Variants in GRAMD4 observed in about 807,000 individuals in gnomAD.
The protein encoded by GRAMD4 is GRAM domain-containing protein 4.
Under a neutral mutation model 83.9 loss-of-function variants are expected in GRAMD4, and 25 were observed. The ratio of observed to expected loss-of-function variants is 0.30; its 90% CI spans 0.22 to 0.42. The LOEUF is 0.42. Ranked by LOEUF, GRAMD4 falls within the 10% of genes least tolerant of loss-of-function variation. The pLI, the probability that GRAMD4 is intolerant of heterozygous loss-of-function variation, is 1.00. For missense variants in GRAMD4, 593 were observed against 788.7 expected (o/e 0.75, Z 2.97); for synonymous variants, 336 against 320.9 (o/e 1.05, Z -0.50).
intron 3 of GRAMD4, among the ~76,000 whole-genome samples, chr22:46,650,900 C>T (rs564756304): frequency 4.4e-4 from 67 of 152,330 alleles, no homozygotes; most frequent in Middle Eastern, 3.4e-3. Flanking sequence ...GACTGCAAGA[C>T]GCCTGTGGGT....
chr22:46,633,410 T>C (rs2081807009), intron 2 of GRAMD4, among the ~76,000 whole-genome samples: 4 of 152,226 alleles, frequency 2.6e-5, no homozygotes, highest in Admixed American at 1.3e-4. Flanking sequence ...GGGACTTGGA[T>C]GAGGTGGCAT....
intron 18 of GRAMD4, 33 bp downstream of exon 18, chr22:46,676,701 G>C: frequency 6.5e-7 from 1 of 1,538,478 alleles, no homozygotes; most frequent in Non-Finnish European, 8.8e-7. Flanking sequence ...CCAAGGGGTT[G>C]GTGTGGGCCC....
At chr22:46,633,210 C>T (rs1472819405) in intron 2 of GRAMD4, among the ~76,000 whole-genome samples, 1 of 152,154 alleles carries the variant, frequency 6.6e-6, no homozygotes, top group African/African-American at 2.4e-5. Flanking sequence ...CCCCCAGCTG[C>T]CCTGGTTCCA....
At chr22:46,660,828 C>T (rs1024332629) in intron 4 of GRAMD4, among the ~76,000 whole-genome samples, 7 of 152,220 alleles carry the variant, frequency 4.6e-5, no homozygotes, top group African/African-American at 1.4e-4. Flanking sequence ...GGCGACCACA[C>T]AGCACTTGGC....
chr22:46,616,887 TGCGTGTAGTTTCCCCC>T (rs1569263308), upstream of GRAMD4, among the ~76,000 whole-genome samples: 5 of 24,524 alleles, frequency 2.0e-4, 1 homozygote, highest in Non-Finnish European at 2.6e-4. Context: ...GGTTCCCCTG[TGCGTGTAGTTTCCCCC>T]GTGTGTAGGT....
chr22:46,629,760 A>G lies in GRAMD4; in HGVS notation c.162+2799A>G, dbSNP rs544155484. On this transcript the variant is annotated intron_variant, in intron 2 of 18. Coordinates refer to ENST00000406902, the MANE Select transcript of GRAMD4 (RefSeq NM_015124.5). ...CTGTGCTACCATTACTACAGTTTTAAAAGGTTTTTATCACCTGAAAGAGAC... is the reference window on the plus strand; with the variant it reads ...CTGTGCTACCATTACTACAGTTTTAGAAGGTTTTTATCACCTGAAAGAGAC... Among the ~76,000 whole-genome samples the G allele has an allele frequency of 1.6e-3, 237 of 152,332 alleles. 3 individuals carry two copies. Among genetic ancestry groups the G allele is most frequent in the South Asian group, 0.013 (62 of 4,832 alleles).
In GRAMD4 at chr22:46,602,762, CT is replaced by C. The variant is rs534249203; in HGVS notation, c.-49-23973del. Among the ~76,000 whole-genome samples the C allele has an allele frequency of 1.8e-3, 222 of 121,442 alleles. 1 individual carries two copies. The highest frequency in any genetic ancestry group is 5.5e-3 in the African/African-American group (179 of 32,660). The allele number at this position is 121,442 out of a possible 152,430, so 79.7% of individuals were successfully genotyped here. On this transcript the variant is annotated intron_variant, in intron 1 of 1. Transcript: ENST00000431155. ...TCCTTTATCTTTTGTCCATTTTTCT[CT>C]TTTTTTTTTTTTTTTGAGGCAGAGT...
chr22:46,612,471 G>C (rs2081427481), intron 1 of GRAMD4, among the ~76,000 whole-genome samples: 1 of 152,178 alleles, frequency 6.6e-6, no homozygotes, highest in Non-Finnish European at 1.5e-5. Context: ...GGGAGGCCTG[G>C]GGGAAGTGAG....
chr22:46,605,895 G>T (rs1601547130), intron 1 of GRAMD4, among the ~76,000 whole-genome samples: 2 of 151,962 alleles, frequency 1.3e-5, no homozygotes, highest in African/African-American at 4.8e-5. Context: ...CTTATGGCCG[G>T]TGCTGAGCAT....
chr22:46,622,904 T>TC lies in GRAMD4; in HGVS notation c.-50+2341dup, dbSNP rs1050854113. On this transcript the variant is annotated intron_variant, in intron 1 of 18. Coordinates refer to ENST00000406902, the MANE Select transcript of GRAMD4 (RefSeq NM_015124.5). The surrounding 1 kb of genome is among the most constrained non-coding windows in gnomAD (Gnocchi z 4.0). ...TCCAGCCTGGGCGACAGAGCAAGAC[T>TC]CCATCTCTAAAAAAAAAAAAAAAAA... is the stretch of plus-strand genomic sequence containing the variant. 3.0e-5 allele frequency among the ~76,000 whole-genome samples: 4 copies of TC among 131,928 alleles called. No homozygotes were observed. Among genetic ancestry groups the TC allele is most frequent in the Non-Finnish European group, 4.7e-5 (3 of 63,314 alleles). 86.5% of individuals were successfully genotyped at this position (131,928 alleles called of 152,430 possible). A position where few individuals can be genotyped will look rare whatever the true frequency, so the allele number is the denominator to read the frequency against.
At chr22:46,612,409 C>G (rs1451866583) in intron 1 of GRAMD4, among the ~76,000 whole-genome samples, 1 of 152,130 alleles carries the variant, frequency 6.6e-6, no homozygotes, top group Non-Finnish European at 1.5e-5. Context: ...TGGAGGAAGG[C>G]CTTCTCTCCT....
At chr22:46,640,767 G>A (rs2147236974) in intron 3 of GRAMD4, among the ~76,000 whole-genome samples, 1 of 152,152 alleles carries the variant, frequency 6.6e-6, no homozygotes, top group East Asian at 1.9e-4. Flanking sequence ...GCAAGATTCC[G>A]GACCAGGCAG....
intron 1 of GRAMD4, among the ~76,000 whole-genome samples, chr22:46,584,983 C>G (rs928923195): frequency 6.6e-6 from 1 of 152,188 alleles, no homozygotes; most frequent in African/African-American, 2.4e-5. Context: ...ACTTGCCACC[C>G]TGGCAGGGGA....
chr22:46,643,169 A>G (rs1436220130), intron 3 of GRAMD4, among the ~76,000 whole-genome samples: 6 of 111,662 alleles, frequency 5.4e-5, no homozygotes, highest in East Asian at 3.5e-4. Context: ...CCATCCATCC[A>G]TCCATCCATC....
chr22:46,671,328 A>G (rs146051154), intron 13 of GRAMD4, among the ~76,000 whole-genome samples: 17,310 of 152,140 alleles, frequency 0.11, 1,111 homozygotes, highest in Middle Eastern at 0.18. Context: ...GAATCACTTG[A>G]GGTCAGGAGT....
chr22:46,674,933 C>T (rs569458546), intron 16 of GRAMD4, among the ~76,000 whole-genome samples, 183 bp downstream of exon 16: 35 of 152,368 alleles, frequency 2.3e-4, no homozygotes, highest in Admixed American at 2.0e-3. Context: ...CCAAGCCGGA[C>T]GTGGCCTGGG....
upstream of GRAMD4, among the ~76,000 whole-genome samples, chr22:46,618,393 G>A (rs542718505): frequency 7.2e-5 from 11 of 152,312 alleles, no homozygotes; most frequent in East Asian, 3.9e-4. This position sits in a 1 kb window ranked among gnomAD's most constrained non-coding sequence, Gnocchi z 5.8. Flanking sequence ...GAATGACAGC[G>A]GGCGGCGCCT....
chr22:46,601,797 A>C (rs1010558802), intron 1 of GRAMD4, among the ~76,000 whole-genome samples: 1 of 152,196 alleles, frequency 6.6e-6, no homozygotes, highest in Non-Finnish European at 1.5e-5. Context: ...CCTTGTCTCT[A>C]AAAAACTTTT....
rs1056142937 is a variant in GRAMD4 at position 46,666,825 on chromosome 22, G to C, written c.810G>C (p.Arg270Ser). The C allele has an allele frequency of 6.2e-7, 1 of 1,610,530 alleles. No individual in the cohort carries two copies. Among genetic ancestry groups the C allele is most frequent in the African/African-American group, 1.3e-5 (1 of 74,746 alleles). ...LRLSLNYLIA[R>S]GWRIQWSIVP... is the part of the protein sequence containing the mutation. ...GGTGTGTGTGTTTTCTGTTCGCCAG[G>C]GGGTGGCGGATACAGTGGAGCATCG... The change falls in exon 10 of 19, where the codon AGG becomes AGC. Residue 270 changes from arginine (R) to serine (S), a missense_variant and splice_region_variant. Physicochemically the swap from Arg to Ser is moderately radical, Grantham distance 110. Coordinates refer to ENST00000406902, the MANE Select transcript of GRAMD4 (RefSeq NM_015124.5).
Sources: allele counts gnomAD v4.1 joint callset (sites outside exome capture counted in the v4.1 genomes callset), GRCh38; gene constraint gnomAD v4.1.1; non-coding constraint Gnocchi (gnomAD v3.1); transcripts MANE v1.5; gene names NCBI Gene and HGNC (gene_info 2026-07-23, HGNC 2026-07-21).